The following UGT3A2 variants were observed in gnomAD, a reference collection of about 807,000 sequenced individuals.
UGT3A2 encodes UDP glycosyltransferase family 3 member A2, also known as UDP-glycosyltransferase 3A2.
UGT3A2 carries 32 observed loss-of-function variants against 39.8 expected under a neutral mutation model. The observed-to-expected ratio is 0.80, with a 90% CI of 0.61 to 1.08. UGT3A2 has a LOEUF of 1.08. UGT3A2 is among the 50% of genes least tolerant of loss of function. The pLI, the probability that UGT3A2 is intolerant of heterozygous loss-of-function variation, is 0.00. For synonymous variants in UGT3A2, 241 were observed against 230.7 expected (o/e 1.04, Z -0.40); for missense variants, 611 against 637.1 (o/e 0.96, Z 0.44).
chr5:36,050,680 G>A (rs1742315201), intron 3 of UGT3A2, among the ~76,000 whole-genome samples: 1 of 152,150 alleles, frequency 6.6e-6, no homozygotes, highest in Admixed American at 6.5e-5. Flanking sequence ...TGGCGAACAT[G>A]GTGAAATGCC....
At chr5:36,060,998 A>G (rs1022260305) in intron 2 of UGT3A2, among the ~76,000 whole-genome samples, 1 of 152,148 alleles carries the variant, frequency 6.6e-6, no homozygotes, top group African/African-American at 2.4e-5. Flanking sequence ...TCTACTAAAA[A>G]TACAAAAAAA....
intron 2 of UGT3A2, among the ~76,000 whole-genome samples, chr5:36,055,857 C>T (rs537107711): frequency 6.6e-6 from 1 of 152,258 alleles, no homozygotes; most frequent in African/African-American, 2.4e-5. Context: ...TTCACCAGGT[C>T]TGTGAGATAG....
chr5:36,049,382 A>C lies in UGT3A2; in HGVS notation c.350T>G (p.Leu117Trp). The C allele has an allele frequency of 6.3e-7, 1 of 1,593,770 alleles. No homozygotes were observed. Among genetic ancestry groups the C allele is most frequent in the East Asian group, 2.2e-5 (1 of 44,782 alleles). ...TAAAAAATGACTGCACTGCAACGCC[A>C]AGTATTCTAGAACATTTAATAAGTT... ...FENLLNVLEY[L>W]ALQCSHFLNR... The change falls in exon 4 of 7, where the codon TTG (leucine) becomes TGG (tryptophan). Residue 117 changes from leucine to tryptophan, a missense_variant. Leu to Trp is a moderately conservative substitution (Grantham distance 61). Transcript: ENST00000282507.
At chr5:36,057,730 G>A (rs1742559413) in intron 2 of UGT3A2, among the ~76,000 whole-genome samples, 1 of 151,570 alleles carries the variant, frequency 6.6e-6, no homozygotes, top group Non-Finnish European at 1.5e-5. Flanking sequence ...TAGTAGAGAT[G>A]AAGTCTCACT....
At chr5:36,057,005 G>C (rs531221753) in intron 2 of UGT3A2, among the ~76,000 whole-genome samples, 5 of 152,296 alleles carry the variant, frequency 3.3e-5, no homozygotes, top group African/African-American at 4.8e-5. Context: ...CTCACAGTCT[G>C]TTCAAAGCAA....
chr5:36,041,741 C>T (rs530729878), intron 4 of UGT3A2, among the ~76,000 whole-genome samples: 1 of 152,308 alleles, frequency 6.6e-6, no homozygotes, highest in African/African-American at 2.4e-5. Flanking sequence ...TCACAACACT[C>T]AATTCCCTTT....
intron 2 of UGT3A2, among the ~76,000 whole-genome samples, chr5:36,057,205 T>C (rs1742540906): frequency 6.6e-6 from 1 of 152,246 alleles, no homozygotes; most frequent in South Asian, 2.1e-4. Context: ...TATGGGAAAG[T>C]GTTTCCAAAT....
chr5:36,040,488 G>A (rs187789389), intron 4 of UGT3A2, among the ~76,000 whole-genome samples: 1 of 152,324 alleles, frequency 6.6e-6, no homozygotes, highest in East Asian at 1.9e-4. Flanking sequence ...AGGAAAGACA[G>A]TCTTCAATTA....
chr5:36,061,678 G>A (rs1303797719), intron 2 of UGT3A2, among the ~76,000 whole-genome samples: 1 of 149,980 alleles, frequency 6.7e-6, no homozygotes, highest in Non-Finnish European at 1.5e-5. Flanking sequence ...CTTTGCTATT[G>A]TGAATAATGC....
In UGT3A2 at chr5:36,051,962, T is replaced by A; in HGVS notation, c.219A>T (p.Ser73=). Residue 73 remains serine (S), a synonymous_variant, in exon 3 of 7, where the codon TCA becomes TCT. Transcript: ENST00000282507. ...FMPDFKKEEK[S]YQVISWLAPE... ...GTGCAAGCCAACTGATAACTTGATA[T>A]GATTTTTCTTCCTTTTTAAAATCTA... 6.4e-7 allele frequency: 1 copy of A among 1,573,704 alleles called. No individual in the cohort carries two copies. The highest frequency in any genetic ancestry group is 1.7e-4 in the Middle Eastern group (1 of 5,932).
At chr5:36,050,484 G>C (rs1413488870) in intron 3 of UGT3A2, among the ~76,000 whole-genome samples, 2 of 152,232 alleles carry the variant, frequency 1.3e-5, no homozygotes, top group African/African-American at 4.8e-5. Flanking sequence ...CCTCACTAGT[G>C]ATATGCAGAT....
Position 36,035,906 on chromosome 5 carries a change from A to G in UGT3A2, c.1364T>C (p.Leu455Pro). ...RSHPLSPTQR[L>P]VGWIDHVLQT... is the part of the protein sequence containing the mutation. ...GAGGACGTGGTCAATCCAGCCCACC[A>G]GCCGCTGTGTGGGGCTGAGCGGGTG... The change falls in exon 7 of 7, where the codon CTG becomes CCG. Residue 455 changes from leucine (L) to proline (P), a missense_variant. Coordinates refer to ENST00000282507, the MANE Select transcript of UGT3A2 (RefSeq NM_174914.4). 1 of 1,614,200 alleles carries G rather than the reference A, an allele frequency of 6.2e-7. No homozygotes were observed. The highest frequency in any genetic ancestry group is 8.5e-7 in the Non-Finnish European group (1 of 1,180,040).
intron 4 of UGT3A2, 114 bp downstream of exon 4, chr5:36,048,775 C>T: frequency 8.9e-6 from 13 of 1,461,100 alleles, no homozygotes; most frequent in Non-Finnish European, 1.2e-5. Context: ...CCCTAGGTGC[C>T]TCCCTTGCCT....
chr5:36,048,905 A>G lies in UGT3A2; in HGVS notation c.827T>C (p.Ile276Thr). The change falls in exon 4 of 7, where the codon ATT becomes ACT. Residue 276 changes from isoleucine (I) to threonine (T), a missense_variant. Physicochemically the swap from Ile to Thr is moderately conservative, Grantham distance 89. Coordinates refer to ENST00000282507, the MANE Select transcript of UGT3A2 (RefSeq NM_174914.4). ...TTCACTTACTTGTGGTACTGGTTTA[A>G]TAGGTTTTTCCATCAAGCCTCCAAC... The part of the protein sequence containing the change: ...VYVGGLMEKP[I>T]KPVPQDLENF... 6.2e-7 allele frequency: 1 copy of G among 1,614,040 alleles called. No homozygotes were observed. Among genetic ancestry groups the G allele is most frequent in the Non-Finnish European group, 8.5e-7 (1 of 1,179,944 alleles).
At position 36,037,520 on chromosome 5, in the gene UGT3A2, T is replaced by C. The variant is rs542789296; in HGVS notation, c.1295+277A>G. On this transcript the variant is annotated intron_variant, in intron 6 of 6. Transcript: ENST00000282507. ...CCGCTGACCTGAATTCCAATTGACC[T>C]GAAACATAGCTCACAGAGACCCCCT... 5.6e-4 allele frequency among the ~76,000 whole-genome samples: 85 copies of C among 152,248 alleles called. 1 individual carries two copies. The highest frequency in any genetic ancestry group is 1.9e-3 in the African/African-American group (77 of 41,546).
chr5:36,039,438 G>T (rs1216752292), intron 5 of UGT3A2, 39 bp downstream of exon 5: 1 of 1,588,674 alleles, frequency 6.3e-7, no homozygotes, highest in Non-Finnish European at 8.6e-7. Flanking sequence ...CCAAAGACAG[G>T]TCAGTGGAAG....
At chr5:36,036,386 A>T in intron 6 of UGT3A2, among the ~76,000 whole-genome samples, 1 of 152,224 alleles carries the variant, frequency 6.6e-6, no homozygotes, top group East Asian at 1.9e-4. Context: ...CATGATGTTG[A>T]CCAGGGCTGG....
At chr5:36,046,652 G>A (rs949707923) in intron 4 of UGT3A2, among the ~76,000 whole-genome samples, 8 of 152,276 alleles carry the variant, frequency 5.3e-5, no homozygotes, top group East Asian at 1.9e-4. Context: ...TTAATGGTAC[G>A]AAAATATAGT....
intron 1 of UGT3A2, among the ~76,000 whole-genome samples, chr5:36,065,828 C>T (rs746987501): frequency 6.6e-6 from 1 of 152,130 alleles, no homozygotes; most frequent in Non-Finnish European, 1.5e-5. Flanking sequence ...ATTAGATGAT[C>T]TGTGGTTCTT....
Sources: gnomAD v4.1 joint callset for allele counts (sites outside exome capture counted in the v4.1 genomes callset) on GRCh38, gnomAD v4.1.1 for gene constraint, MANE v1.5 for transcripts, NCBI Gene and HGNC (gene_info 2026-07-23, HGNC 2026-07-21) for gene names.